NAA11: variants seen among roughly 807,000 people sequenced by gnomAD.
NAA11 encodes N-alpha-acetyltransferase 11, NatA catalytic subunit.
In NAA11, 15 loss-of-function variants were observed where a neutral mutation model predicts 16.1. That is an observed-to-expected ratio of 0.93 (90% CI 0.62 to 1.44). NAA11 has a LOEUF of 1.44. Ranked by LOEUF, NAA11 falls within the 40% of genes most tolerant of loss-of-function variation. The pLI, the probability that NAA11 is intolerant of heterozygous loss-of-function variation, is 0.00. For missense variants in NAA11, 298 were observed against 291.3 expected, an observed-to-expected ratio of 1.02 and a Z score of -0.17; for synonymous variants, 122 against 112.4, an observed-to-expected ratio of 1.09 and a Z score of -0.54.
the NAA11 span, among the ~76,000 whole-genome samples, chr4:79,184,464 G>C: frequency 3.3e-5 from 5 of 152,282 alleles, no homozygotes; most frequent in South Asian, 2.1e-4. Flanking sequence ...GAAATCACAG[G>C]TGAAGCACTC....
At chr4:79,274,871 A>C (rs1219213990) in intron 2 of NAA11, among the ~76,000 whole-genome samples, 2 of 152,078 alleles carry the variant, frequency 1.3e-5, no homozygotes, top group Non-Finnish European at 2.9e-5. Flanking sequence ...AAAAGTATCT[A>C]ATCTACAGCC....
intron 2 of NAA11, chr4:79,227,402 A>G (rs1472394112): frequency 6.6e-6 from 1 of 152,020 alleles, no homozygotes; most frequent in African/African-American, 2.4e-5. Flanking sequence ...CAACAGACAC[A>G]TGAAAAAATG....
rs777834599 is a variant in NAA11, at chr4:79,325,744, G to T, written c.134C>A (p.Ala45Asp). The T allele has an allele frequency of 1.2e-6, 2 of 1,614,222 alleles. No individual in the cohort carries two copies. The highest frequency in any genetic ancestry group is 4.5e-5 in the East Asian group (2 of 44,880). The change falls in exon 1 of 2, where the codon GCT (alanine) becomes GAT (aspartate). Residue 45 changes from alanine to aspartate, a missense_variant. Transcript: ENST00000286794. ...GLSWPQLSYI[A>D]EDEDGKIVGY... Reference sequence around the variant, plus strand: ...CACAATCTTCCCGTCCTCATCCTCAGCGATGTAAGAAAGCTGGGGCCAGGA... The same window carrying T: ...CACAATCTTCCCGTCCTCATCCTCATCGATGTAAGAAAGCTGGGGCCAGGA...
the NAA11 span, among the ~76,000 whole-genome samples, chr4:79,170,013 C>T: frequency 3.9e-5 from 6 of 152,226 alleles, no homozygotes; most frequent in South Asian, 2.1e-4. Context: ...ATTATAGCCA[C>T]GCCCACAAGA....
chr4:79,281,918 G>T (rs1398325582), intron 2 of NAA11, among the ~76,000 whole-genome samples: 4 of 152,094 alleles, frequency 2.6e-5, no homozygotes. Flanking sequence ...AGGCAGGTTG[G>T]ACAAGCTCTA....
chr4:79,220,698 A>G (rs1371864432), downstream of NAA11, among the ~76,000 whole-genome samples: 1 of 152,068 alleles, frequency 6.6e-6, no homozygotes, highest in Non-Finnish European at 1.5e-5. Flanking sequence ...AGATTTCTCT[A>G]CTTCTGAGGG....
the NAA11 span, among the ~76,000 whole-genome samples, chr4:79,200,828 C>T: frequency 6.6e-6 from 1 of 151,688 alleles, no homozygotes; most frequent in Non-Finnish European, 1.5e-5. Flanking sequence ...GTAGATGTTT[C>T]TGGGTTTTTT....
At chr4:79,289,946 C>T (rs1275975227) in intron 2 of NAA11, among the ~76,000 whole-genome samples, 1 of 152,128 alleles carries the variant, frequency 6.6e-6, no homozygotes, top group South Asian at 2.1e-4. Flanking sequence ...GGTTCTCAGC[C>T]GTTCTCAGTG....
At chr4:79,217,498 G>C in the NAA11 span, among the ~76,000 whole-genome samples, 2 of 152,104 alleles carry the variant, frequency 1.3e-5, no homozygotes, top group African/African-American at 4.8e-5. Context: ...AAAAATCAAG[G>C]TTTAAAACAG....
intron 1 of NAA11, among the ~76,000 whole-genome samples, chr4:79,324,002 CA>C (rs35787469): frequency 0.52 from 61,618 of 118,048 alleles, 13,371 homozygotes; most frequent in East Asian, 0.76. Flanking sequence ...GACTCTGTCT[CA>C]AAAAAAAAAA....
At chr4:79,163,021 T>C in the NAA11 span, among the ~76,000 whole-genome samples, 6 of 152,222 alleles carry the variant, frequency 3.9e-5, no homozygotes, top group Admixed American at 3.3e-4. Context: ...AATTTAAACA[T>C]TATTTAGAGT....
At chr4:79,299,495 A>G (rs1175835591) in intron 1 of NAA11, 4 of 152,228 alleles carry the variant, frequency 2.6e-5, no homozygotes, top group Non-Finnish European at 5.9e-5. Context: ...CCAATGTTGT[A>G]CTTATGGTTT....
intron 2 of NAA11, among the ~76,000 whole-genome samples, chr4:79,233,620 C>T (rs1330902756): frequency 6.6e-6 from 1 of 152,032 alleles, no homozygotes; most frequent in Non-Finnish European, 1.5e-5. Context: ...CAAATATATA[C>T]ATGGCAATAC....
chr4:79,277,804 G>A (rs529166908), intron 2 of NAA11, among the ~76,000 whole-genome samples: 1 of 152,186 alleles, frequency 6.6e-6, no homozygotes, highest in African/African-American at 2.4e-5. Flanking sequence ...CAACACAGCA[G>A]CAGGAGCCAC....
chr4:79,312,468 T>C (rs183184255), downstream of NAA11, among the ~76,000 whole-genome samples: 1 of 151,954 alleles, frequency 6.6e-6, no homozygotes, highest in East Asian at 1.9e-4. Context: ...CTGGCCAACA[T>C]GGTGAAACCC....
At chr4:79,324,562 C>A (rs1050325610) in intron 1 of NAA11, among the ~76,000 whole-genome samples, 1 of 152,150 alleles carries the variant, frequency 6.6e-6, no homozygotes, top group African/African-American at 2.4e-5. Context: ...TATAGTTTAA[C>A]AAGTCCCTCT....
chr4:79,314,925 CTA>C (rs1309732591), downstream of NAA11, among the ~76,000 whole-genome samples: 1 of 149,310 alleles, frequency 6.7e-6, no homozygotes, highest in East Asian at 1.9e-4. Context: ...TTAACAAACT[CTA>C]TTTTTATTGA....
downstream of NAA11, among the ~76,000 whole-genome samples, chr4:79,314,431 C>G (rs1190160082): frequency 6.6e-6 from 1 of 151,904 alleles, no homozygotes; most frequent in African/African-American, 2.4e-5. Flanking sequence ...AAACAATCAC[C>G]TGGAGGGTTG....
intron 1 of NAA11, among the ~76,000 whole-genome samples, chr4:79,298,073 G>A (rs745587032): frequency 6.6e-6 from 1 of 152,206 alleles, no homozygotes; most frequent in Non-Finnish European, 1.5e-5. Context: ...TCTGCTGGGA[G>A]CTGAACACTT....
Sources: gnomAD v4.1 joint callset for allele counts (sites outside exome capture counted in the v4.1 genomes callset) on GRCh38, gnomAD v4.1.1 for gene constraint, MANE v1.5 for transcripts, NCBI Gene and HGNC (gene_info 2026-07-23, HGNC 2026-07-21) for gene names.